AGBL4: variants seen among roughly 807,000 people sequenced by gnomAD.
The protein encoded by AGBL4 is cytosolic carboxypeptidase 6.
In AGBL4, 58 loss-of-function variants were observed where a neutral mutation model predicts 66.4. The ratio of observed to expected loss-of-function variants is 0.87; its 90% CI spans 0.71 to 1.09. The LOEUF (loss-of-function observed/expected upper bound fraction) is 1.09. Among genes scored for constraint, AGBL4 ranks in the 50% least tolerant of loss-of-function variants. AGBL4 has a pLI of 0.00. For missense variants in AGBL4, 579 were observed against 631.0 expected (o/e 0.92, Z 0.88); for synonymous variants, 234 against 222.9 (o/e 1.05, Z -0.44).
intron 3 of AGBL4, among the ~76,000 whole-genome samples, chr1:49,265,514 T>C (rs1220586836): frequency 6.6e-6 from 1 of 152,170 alleles, no homozygotes; most frequent in Non-Finnish European, 1.5e-5. Context: ...TTTATATTAC[T>C]TATTGGGAGT....
rs146073927 is a variant in AGBL4, at chr1:49,848,727, G to A, written c.157+2669C>T. The stretch of plus-strand genomic sequence containing the variant: ...GTACAATGTATATTATTTGGGTAAT[G>A]GTTACACTAAAAGCCCAAACTTTAC... On this transcript the variant is annotated intron_variant, in intron 2 of 13. Coordinates refer to ENST00000371839, the MANE Select transcript of AGBL4 (RefSeq NM_032785.4). Among the ~76,000 whole-genome samples the A allele has an allele frequency of 1.1e-3, 170 of 152,206 alleles. 1 individual carries two copies. Among genetic ancestry groups the A allele is most frequent in the African/African-American group, 3.9e-3 (164 of 41,544 alleles).
intron 3 of AGBL4, among the ~76,000 whole-genome samples, chr1:49,381,228 A>G (rs1391794580): frequency 2.6e-5 from 4 of 152,206 alleles, no homozygotes; most frequent in Non-Finnish European, 5.9e-5. Flanking sequence ...TTATGCAGCC[A>G]AAAAACACAT....
chr1:49,537,161 C>T (rs1421436651), intron 3 of AGBL4, among the ~76,000 whole-genome samples: 3 of 152,104 alleles, frequency 2.0e-5, no homozygotes, highest in Non-Finnish European at 4.4e-5. Context: ...GGAATAAAGA[C>T]TTAAATGTAA....
At chr1:49,260,070 C>T (rs1273691479) in intron 3 of AGBL4, among the ~76,000 whole-genome samples, 1 of 150,112 alleles carries the variant, frequency 6.7e-6, no homozygotes, top group African/African-American at 2.4e-5. Context: ...GGGTACATAA[C>T]AAAATGAAGG....
intron 9 of AGBL4, among the ~76,000 whole-genome samples, chr1:48,628,528 A>G (rs114963005): frequency 2.6e-3 from 395 of 152,262 alleles, no homozygotes; most frequent in African/African-American, 9.1e-3. Flanking sequence ...AGAAGAGAGC[A>G]TTGGGCCATA....
At chr1:49,742,665 C>G (rs1305973854) in intron 2 of AGBL4, among the ~76,000 whole-genome samples, 3 of 152,084 alleles carry the variant, frequency 2.0e-5, no homozygotes, top group South Asian at 2.1e-4. Context: ...TACAAGGCTA[C>G]AGTAACCAAA....
At chr1:49,590,123 TGA>T (rs1293027366) in intron 3 of AGBL4, among the ~76,000 whole-genome samples, 1 of 152,044 alleles carries the variant, frequency 6.6e-6, no homozygotes, top group Non-Finnish European at 1.5e-5. Flanking sequence ...ATTCAAATTC[TGA>T]GAAGCTATCA....
At chr1:49,915,212 C>G (rs1253338660) in intron 1 of AGBL4, among the ~76,000 whole-genome samples, 1 of 152,120 alleles carries the variant, frequency 6.6e-6, no homozygotes, top group Non-Finnish European at 1.5e-5. Flanking sequence ...GGGTTCATCT[C>G]ACTGGGGCAT....
At chr1:49,169,814 G>C (rs1324700701) in intron 4 of AGBL4, among the ~76,000 whole-genome samples, 1 of 152,158 alleles carries the variant, frequency 6.6e-6, no homozygotes, top group East Asian at 1.9e-4. Flanking sequence ...GGTTAGGTGA[G>C]ATATTCAGAT....
chr1:49,938,399 C>G (rs1654343790), intron 1 of AGBL4, among the ~76,000 whole-genome samples: 1 of 152,168 alleles, frequency 6.6e-6, no homozygotes, highest in South Asian at 2.1e-4. Context: ...GGATTCACAG[C>G]CGAATTCTAC....
At chr1:48,922,486 C>T (rs144791453) in intron 5 of AGBL4, among the ~76,000 whole-genome samples, 3 of 152,256 alleles carry the variant, frequency 2.0e-5, no homozygotes, top group African/African-American at 7.2e-5. Context: ...TCTACTTCTC[C>T]CTGAGAAAGG....
intron 1 of AGBL4, among the ~76,000 whole-genome samples, chr1:50,021,674 T>G (rs1424060211): frequency 6.6e-6 from 1 of 152,204 alleles, no homozygotes; most frequent in Non-Finnish European, 1.5e-5. Flanking sequence ...TGCTACCTTC[T>G]AAGGTCTCTC....
intron 10 of AGBL4, among the ~76,000 whole-genome samples, chr1:48,587,819 T>C (rs1281806722): frequency 6.6e-6 from 1 of 151,306 alleles, no homozygotes. Flanking sequence ...ATTTTTTGTA[T>C]TTTTAGCAGA....
intron 6 of AGBL4, among the ~76,000 whole-genome samples, chr1:48,684,790 G>A (rs773036800): frequency 4.6e-5 from 7 of 152,090 alleles, no homozygotes; most frequent in Non-Finnish European, 8.8e-5. Context: ...AAGGAAAAGA[G>A]AGAATCCAAG....
chr1:48,950,029 A>G (rs1571076635), intron 5 of AGBL4, among the ~76,000 whole-genome samples: 1 of 152,172 alleles, frequency 6.6e-6, no homozygotes, highest in Non-Finnish European at 1.5e-5. Flanking sequence ...ACAATCTACT[A>G]TTGGCTACAC....
chr1:49,811,839 G>C (rs1451496617), intron 2 of AGBL4, among the ~76,000 whole-genome samples: 1 of 152,046 alleles, frequency 6.6e-6, no homozygotes, highest in East Asian at 1.9e-4. Flanking sequence ...AGAGAACCAA[G>C]GTCCACAAAA....
At chr1:48,748,295 T>G (rs1651084584) in intron 6 of AGBL4, among the ~76,000 whole-genome samples, 1 of 152,188 alleles carries the variant, frequency 6.6e-6, no homozygotes, top group Admixed American at 6.5e-5. Flanking sequence ...GTAGCGTGCC[T>G]CTGTTTCTTA....
At chr1:49,839,717 T>C (rs970455044) in intron 2 of AGBL4, among the ~76,000 whole-genome samples, 5 of 152,298 alleles carry the variant, frequency 3.3e-5, no homozygotes, top group African/African-American at 1.2e-4. Flanking sequence ...GGACCTTATA[T>C]AGGATAGAAG....
intron 1 of AGBL4, among the ~76,000 whole-genome samples, chr1:49,997,195 A>G (rs975384756): frequency 6.6e-6 from 1 of 152,144 alleles, no homozygotes; most frequent in African/African-American, 2.4e-5. Context: ...ATAGAAAAGC[A>G]CCTCACATCT....
Sources: gnomAD v4.1 joint callset for allele counts (sites outside exome capture counted in the v4.1 genomes callset) on GRCh38, gnomAD v4.1.1 for gene constraint, MANE v1.5 for transcripts, NCBI Gene and HGNC (gene_info 2026-07-23, HGNC 2026-07-21) for gene names.